Variants in GJA1 observed in about 807,000 individuals in gnomAD.
The protein encoded by GJA1 is gap junction alpha-1 protein.
In GJA1, 9 loss-of-function variants were observed where a neutral mutation model predicts 31.0. The ratio of observed to expected loss-of-function variants is 0.29; its 90% CI spans 0.17 to 0.51. GJA1 has a LOEUF of 0.51. Among genes scored for constraint, GJA1 ranks in the 20% least tolerant of loss-of-function variants. The pLI is 0.98. For missense variants in GJA1, 278 were observed against 468.8 expected (o/e 0.59, Z 3.76); for synonymous variants, 186 against 180.1 (o/e 1.03, Z -0.26).
At chr6:121,440,114 G>C (rs539530593) in intron 1 of GJA1, among the ~76,000 whole-genome samples, 2 of 152,056 alleles carry the variant, frequency 1.3e-5, no homozygotes, top group African/African-American at 2.4e-5. Flanking sequence ...ATTTCTTCTT[G>C]TAATAGTGTC....
chr6:121,445,753 C>A (rs1474476342), intron 1 of GJA1, among the ~76,000 whole-genome samples: 1 of 152,158 alleles, frequency 6.6e-6, no homozygotes, highest in Non-Finnish European at 1.5e-5. Flanking sequence ...TATAATGACA[C>A]ATTGTAGCAA....
At chr6:121,437,152 C>T (rs182655101) in intron 1 of GJA1, among the ~76,000 whole-genome samples, 1 of 152,276 alleles carries the variant, frequency 6.6e-6, no homozygotes, top group Non-Finnish European at 1.5e-5. Flanking sequence ...CCTTCGCTGC[C>T]CGAACCAGCT....
chr6:121,445,563 C>A (rs1773873144), intron 1 of GJA1, among the ~76,000 whole-genome samples: 1 of 142,196 alleles, frequency 7.0e-6, no homozygotes, highest in South Asian at 2.5e-4. Context: ...AGTAAGGGAA[C>A]TTTAAAGTAT....
chr6:121,437,402 C>G (rs1773688800), intron 1 of GJA1, among the ~76,000 whole-genome samples: 1 of 150,246 alleles, frequency 6.7e-6, no homozygotes, highest in Non-Finnish European at 1.5e-5. Flanking sequence ...CTGAATCCCA[C>G]TATCTCCGCG....
Position 121,447,223 on chromosome 6 carries a change from C to T in GJA1, c.376C>T (p.His126Tyr). 1.9e-6 allele frequency: 3 copies of T among 1,614,042 alleles called. No homozygotes were observed. In the South Asian group the frequency reaches 3.3e-5, roughly 18 times the overall value. Residue 126 changes from histidine to tyrosine, a missense_variant, in exon 2 of 2, where the codon CAC becomes TAC. Coordinates refer to ENST00000282561, the MANE Select transcript of GJA1 (RefSeq NM_000165.5). ...AQTDGVNVDM[H>Y]LKQIEIKKFK... ...AACTGATGGTGTCAATGTGGACATG[C>T]ACTTGAAGCAGATTGAGATAAAGAA... is the stretch of plus-strand genomic sequence containing the variant.
intron 1 of GJA1, among the ~76,000 whole-genome samples, chr6:121,443,006 G>A (rs971482097): frequency 6.6e-6 from 1 of 152,186 alleles, no homozygotes; most frequent in African/African-American, 2.4e-5. Context: ...GTCCAGCTGC[G>A]TTGGTCTTCT....
intron 1 of GJA1, among the ~76,000 whole-genome samples, chr6:121,441,343 C>G (rs1303121752): frequency 3.9e-5 from 6 of 152,240 alleles, no homozygotes; most frequent in Middle Eastern, 3.4e-3. Context: ...CCCACCTCGG[C>G]CTCCCAAAGT....
At position 121,435,832 on chromosome 6, in the gene GJA1, A is replaced by G. The variant is rs1465554178; in HGVS notation, c.-17A>G. 3 of 152,174 alleles carry G rather than the reference A, an allele frequency of 2.0e-5. No homozygotes were observed. The highest frequency in any genetic ancestry group is 7.2e-5 in the African/African-American group (3 of 41,450). The allele number at this position is 152,174 out of a possible 1,614,324, so 9.4% of individuals were successfully genotyped here. A position where few individuals can be genotyped will look rare whatever the true frequency, so the allele number is the denominator to read the frequency against. Reference sequence around the variant, plus strand: ...TGACTTCACTACTTTTAAGCAAAAGAGTAAGTTTTTAAAAAATGAGAACAC... The same window carrying G: ...TGACTTCACTACTTTTAAGCAAAAGGGTAAGTTTTTAAAAAATGAGAACAC... On this transcript the variant is annotated splice_region_variant and 5_prime_UTR_variant, in exon 1 of 2. Coordinates refer to ENST00000282561, the MANE Select transcript of GJA1 (RefSeq NM_000165.5).
At position 121,447,304 on chromosome 6, in the gene GJA1, C is replaced by T. The variant is rs763503078; in HGVS notation, c.457C>T (p.Arg153Ter). 8 of 1,613,768 alleles carry T rather than the reference C, an allele frequency of 5.0e-6. No homozygotes were observed. The Admixed American group carries it at 1.0e-4, about 20-fold the overall frequency. Reference sequence around the variant, plus strand: ...GGTGAAAATGCGAGGGGGGTTGCTGCGAACCTACATCATCAGTATCCTCTT... The same window carrying T: ...GGTGAAAATGCGAGGGGGGTTGCTGTGAACCTACATCATCAGTATCCTCTT... ...GKVKMRGGLL[R>*]TYIISILFKS... Residue 153 changes from arginine (R) to a stop codon, truncating the protein, a stop_gained, in exon 2 of 2, where the codon CGA (arginine) becomes TGA (stop). Transcript: ENST00000282561. LOFTEE classifies it high-confidence loss of function.
At chr6:121,441,450 G>T (rs988229558) in intron 1 of GJA1, among the ~76,000 whole-genome samples, 1 of 152,110 alleles carries the variant, frequency 6.6e-6, no homozygotes, top group Non-Finnish European at 1.5e-5. Flanking sequence ...TCACATTCCA[G>T]TTAAGGAAGA....
intron 1 of GJA1, among the ~76,000 whole-genome samples, chr6:121,438,545 A>G (rs1374977758): frequency 1.3e-5 from 2 of 151,976 alleles, no homozygotes; most frequent in Admixed American, 1.3e-4. Context: ...GAGCCTTTAT[A>G]TATGATACCC....
chr6:121,442,026 A>C (rs1015644686), intron 1 of GJA1, among the ~76,000 whole-genome samples: 21 of 152,210 alleles, frequency 1.4e-4, no homozygotes, highest in African/African-American at 5.1e-4. Flanking sequence ...AATCCATTAA[A>C]TGATTTTATC....
chr6:121,440,327 T>C (rs1773748790), intron 1 of GJA1, among the ~76,000 whole-genome samples: 2 of 152,228 alleles, frequency 1.3e-5, no homozygotes, highest in South Asian at 4.1e-4. Flanking sequence ...AGGATCTCAT[T>C]TAACAAATTC....
Position 121,447,614 on chromosome 6 carries a change from C to T in GJA1, c.767C>T (p.Pro256Leu), listed in dbSNP as rs758465154. 3.1e-6 allele frequency: 5 copies of T among 1,613,782 alleles called. No homozygotes were observed. The South Asian group carries it at 3.3e-5, about 11-fold the overall frequency. ...PYHATSGALSPAKDCGSQKYA... is the reference protein window; with the variant it reads ...PYHATSGALSLAKDCGSQKYA... ...CATGCGACCAGTGGTGCGCTGAGCC[C>T]TGCCAAAGACTGTGGGTCTCAAAAA... The change falls in exon 2 of 2, where the codon CCT becomes CTT. Residue 256 changes from proline to leucine, a missense_variant. By Grantham distance (98) the Pro-to-Leu change is moderately conservative. Coordinates refer to ENST00000282561, the MANE Select transcript of GJA1 (RefSeq NM_000165.5).
intron 1 of GJA1, among the ~76,000 whole-genome samples, chr6:121,445,252 T>C (rs1773868151): frequency 6.6e-6 from 1 of 152,166 alleles, no homozygotes; most frequent in South Asian, 2.1e-4. Context: ...TTCAAGCGAT[T>C]CTCTTGCCTT....
Position 121,447,940 on chromosome 6 carries a change from A to T in GJA1, c.1093A>T (p.Ser365Cys). The T allele has an allele frequency of 6.2e-7, 1 of 1,613,900 alleles. No individual in the cohort carries two copies. The highest frequency in any genetic ancestry group is 8.5e-7 in the Non-Finnish European group (1 of 1,179,870). Reference sequence around the variant, plus strand: ...AGCCATTGTGGACCAGCGACCTTCAAGCAGAGCCAGCAGTCGTGCCAGCAG... The same window carrying T: ...AGCCATTGTGGACCAGCGACCTTCATGCAGAGCCAGCAGTCGTGCCAGCAG... ...PLAIVDQRPSSRASSRASSRP... is the reference protein window; with the variant it reads ...PLAIVDQRPSCRASSRASSRP... The change falls in exon 2 of 2, where the codon AGC (serine) becomes TGC (cysteine). Residue 365 changes from serine (S) to cysteine (C), a missense_variant. Physicochemically the swap from Ser to Cys is moderately radical, Grantham distance 112 (BLOSUM62 -1). Coordinates refer to ENST00000282561, the MANE Select transcript of GJA1 (RefSeq NM_000165.5).
intron 1 of GJA1, among the ~76,000 whole-genome samples, 182 bp downstream of exon 1, chr6:121,436,014 T>C (rs1426174830): frequency 6.6e-6 from 1 of 152,182 alleles, no homozygotes; most frequent in Non-Finnish European, 1.5e-5. Context: ...ATATATATTT[T>C]GACTGTTAAA....
At chr6:121,444,566 C>G (rs996835455) in intron 1 of GJA1, among the ~76,000 whole-genome samples, 2 of 152,140 alleles carry the variant, frequency 1.3e-5, no homozygotes, top group African/African-American at 4.8e-5. Context: ...TGTAATGTTG[C>G]TTACTGAGGA....
intron 1 of GJA1, among the ~76,000 whole-genome samples, chr6:121,443,499 C>G (rs930095848): frequency 6.6e-6 from 1 of 152,112 alleles, no homozygotes; most frequent in Non-Finnish European, 1.5e-5. Flanking sequence ...TAAAAAAGAA[C>G]TAATGAAGAG....
Sources: gnomAD v4.1 joint callset for allele counts (sites outside exome capture counted in the v4.1 genomes callset) on GRCh38, gnomAD v4.1.1 for gene constraint, MANE v1.5 for transcripts, NCBI Gene and HGNC (gene_info 2026-07-23, HGNC 2026-07-21) for gene names.